Variants in ELMO1 observed in about 807,000 individuals in gnomAD.
ELMO1 encodes engulfment and cell motility 1, also known as engulfment and cell motility protein 1.
A neutral mutation model predicts 98.9 loss-of-function variants in ELMO1; 26 were observed. The ratio of observed to expected loss-of-function variants is 0.26; its 90% CI spans 0.19 to 0.36. The LOEUF (loss-of-function observed/expected upper bound fraction) is 0.36. ELMO1 is among the 10% of genes least tolerant of loss of function. ELMO1 has a pLI of 1.00. For synonymous variants in ELMO1, 346 were observed against 346.0 expected (o/e 1.00, Z 0.00); for missense variants, 627 against 935.2 (o/e 0.67, Z 4.30).
chr7:37,243,052 TTGTTATCTG>T (rs1318910433), intron 7 of ELMO1, among the ~76,000 whole-genome samples: 3 of 152,200 alleles, frequency 2.0e-5, no homozygotes, highest in Non-Finnish European at 2.9e-5. Flanking sequence ...GATTTCATAA[TTGTTATCTG>T]TGTTAGTCTG....
chr7:37,083,394 T>C (rs1315092485), intron 15 of ELMO1, among the ~76,000 whole-genome samples: 1 of 152,056 alleles, frequency 6.6e-6, no homozygotes, highest in Non-Finnish European at 1.5e-5. Context: ...CAGGAATCAC[T>C]GGACTAAGTT....
intron 2 of ELMO1, among the ~76,000 whole-genome samples, chr7:37,327,879 C>T (rs1458660704): frequency 2.6e-5 from 4 of 152,180 alleles, no homozygotes; most frequent in Non-Finnish European, 4.4e-5. Flanking sequence ...ACAATAATGA[C>T]AATCTCACAT....
At chr7:37,009,049 T>C (rs975393756) in intron 16 of ELMO1, among the ~76,000 whole-genome samples, 1 of 152,184 alleles carries the variant, frequency 6.6e-6, no homozygotes, top group Non-Finnish European at 1.5e-5. Flanking sequence ...CTAAAGTGTA[T>C]ACTCTCATTA....
chr7:36,887,461 C>T lies in ELMO1; in HGVS notation c.1714+99G>A. On this transcript the variant is annotated intron_variant, in intron 18 of 21. Coordinates refer to ENST00000310758, the MANE Select transcript of ELMO1 (RefSeq NM_014800.11). ...TATTCCTGTCCTGAGTACAATGCTG[C>T]ATGGCCTACCCGTAAACCAACACCA... The T allele has an allele frequency of 2.8e-6, 3 of 1,073,302 alleles. No homozygotes were observed. In the South Asian group the frequency reaches 4.3e-5, roughly 15 times the overall value. The allele number at this position is 1,073,302 out of a possible 1,614,324, so 66.5% of individuals were successfully genotyped here. A position where few individuals can be genotyped will look rare whatever the true frequency, so the allele number is the denominator to read the frequency against.
chr7:37,178,680 A>G (rs1001492434), intron 13 of ELMO1, among the ~76,000 whole-genome samples: 1 of 152,158 alleles, frequency 6.6e-6, no homozygotes, highest in Non-Finnish European at 1.5e-5. Flanking sequence ...AGTAGAGAAT[A>G]AAAATTGTAA....
Position 37,259,313 on chromosome 7 carries a change from G to A in ELMO1, c.281C>T (p.Ser94Phe). Residue 94 changes from serine (S) to phenylalanine (F), a missense_variant, in exon 6 of 22, where the codon TCC (serine) becomes TTC (phenylalanine). Ser to Phe is a radical substitution (Grantham distance 155). Transcript: ENST00000310758. ...TTCCAGCTTGGCATCCATACTCGAG[G>A]ACTGGATTCGTTCATGGAGCTGCTG... ...NAQQLHERIQ[S>F]SSMDAKLEAL... is the part of the protein sequence containing the mutation. 6.2e-7 allele frequency: 1 copy of A among 1,614,176 alleles called. No individual in the cohort carries two copies. Among genetic ancestry groups the A allele is most frequent in the Non-Finnish European group, 8.5e-7 (1 of 1,180,014 alleles).
Position 37,100,841 on chromosome 7 carries a change from G to T in ELMO1, c.1192-4114C>A, listed in dbSNP as rs377258629. On this transcript the variant is annotated intron_variant, in intron 14 of 21. Coordinates refer to ENST00000310758, the MANE Select transcript of ELMO1 (RefSeq NM_014800.11). ...AGCAGCTATGAGAAGCACTGATAAT[G>T]TGGTGACCTTGGACAAAGGTGCCGC... Among the ~76,000 whole-genome samples the T allele has an allele frequency of 6.6e-4, 101 of 152,380 alleles. No homozygotes were observed. In the South Asian group the frequency reaches 0.02, roughly 30 times the overall value.
At chr7:37,214,119 G>A (rs1220913078) in intron 11 of ELMO1, among the ~76,000 whole-genome samples, 1 of 152,186 alleles carries the variant, frequency 6.6e-6, no homozygotes, top group Non-Finnish European at 1.5e-5. Context: ...AGGACAGGAA[G>A]ACTGGATAGG....
At chr7:37,271,513 C>A (rs1796557611) in intron 5 of ELMO1, 2 of 246,332 alleles carry the variant, frequency 8.1e-6, no homozygotes, top group South Asian at 8.4e-5. Flanking sequence ...ATAAAATACG[C>A]TAACGATAGC....
chr7:37,212,703 C>T (rs1402194477), intron 12 of ELMO1, among the ~76,000 whole-genome samples: 1 of 152,220 alleles, frequency 6.6e-6, no homozygotes, highest in Non-Finnish European at 1.5e-5. Context: ...TGAGTGTTTT[C>T]CTTTCCAAAG....
At chr7:37,253,031 C>G (rs916520252) in intron 6 of ELMO1, among the ~76,000 whole-genome samples, 2 of 152,106 alleles carry the variant, frequency 1.3e-5, no homozygotes, top group African/African-American at 4.8e-5. Flanking sequence ...AATGAGATAC[C>G]ATCTCATGCC....
intron 1 of ELMO1, among the ~76,000 whole-genome samples, chr7:37,376,994 T>C (rs753569368): frequency 1.3e-5 from 2 of 152,188 alleles, no homozygotes; most frequent in African/African-American, 2.4e-5. Context: ...GTTGAAAAGA[T>C]CATAAGTGAA....
At chr7:37,306,900 A>C (rs1281078988) in intron 4 of ELMO1, among the ~76,000 whole-genome samples, 2 of 152,238 alleles carry the variant, frequency 1.3e-5, no homozygotes, top group African/African-American at 4.8e-5. Flanking sequence ...TAAGGTACAC[A>C]GAATCATATG....
chr7:37,352,457 G>A (rs1236383010), intron 1 of ELMO1, among the ~76,000 whole-genome samples: 4 of 152,184 alleles, frequency 2.6e-5, no homozygotes, highest in Non-Finnish European at 4.4e-5. Flanking sequence ...GGACTTTAAC[G>A]TAACACGTGT....
At chr7:37,167,688 G>C (rs1789817722) in intron 13 of ELMO1, among the ~76,000 whole-genome samples, 1 of 152,204 alleles carries the variant, frequency 6.6e-6, no homozygotes, top group Non-Finnish European at 1.5e-5. Flanking sequence ...CTGGCTTGTA[G>C]AGTTTCTGCC....
At chr7:37,064,883 G>A (rs998283917) in intron 15 of ELMO1, among the ~76,000 whole-genome samples, 1 of 152,102 alleles carries the variant, frequency 6.6e-6, no homozygotes, top group African/African-American at 2.4e-5. Flanking sequence ...GCTAGCTTTT[G>A]GTGGGGATGG....
chr7:37,088,222 G>A (rs1783887593), intron 15 of ELMO1, among the ~76,000 whole-genome samples: 1 of 152,168 alleles, frequency 6.6e-6, no homozygotes, highest in Admixed American at 6.5e-5. Flanking sequence ...ATTTATAATT[G>A]AGATGTGCTT....
chr7:37,286,298 C>A (rs907349632), intron 4 of ELMO1, among the ~76,000 whole-genome samples: 1 of 152,222 alleles, frequency 6.6e-6, no homozygotes, highest in Non-Finnish European at 1.5e-5. Flanking sequence ...TGAACATAAC[C>A]TGCTGTGGCA....
intron 1 of ELMO1, among the ~76,000 whole-genome samples, chr7:37,384,881 T>A (rs1802731021): frequency 6.6e-6 from 1 of 152,158 alleles, no homozygotes; most frequent in Non-Finnish European, 1.5e-5. Context: ...AAAAAAGACA[T>A]GAGTAAAAAT....
Sources: gnomAD v4.1 joint callset for allele counts (sites outside exome capture counted in the v4.1 genomes callset) on GRCh38, gnomAD v4.1.1 for gene constraint, MANE v1.5 for transcripts, NCBI Gene and HGNC (gene_info 2026-07-23, HGNC 2026-07-21) for gene names.